The following DACH2 variants were observed in gnomAD, a reference collection of about 807,000 sequenced individuals.
The protein encoded by DACH2 is dachshund family transcription factor 2.
DACH2 carries 17 observed loss-of-function variants against 35.8 expected under a neutral mutation model. That is an observed-to-expected ratio of 0.48 (90% CI 0.33 to 0.71). The LOEUF (loss-of-function observed/expected upper bound fraction) is 0.71, where lower values mean the gene tolerates loss of function less well. Among genes scored for constraint, DACH2 ranks in the 30% least tolerant of loss-of-function variants. DACH2 has a pLI of 0.02. For missense variants in DACH2, 469 were observed against 472.7 expected (o/e 0.99, Z 0.07); for synonymous variants, 195 against 177.3 (o/e 1.10, Z -0.79).
At chrX:86,605,552 A>G (rs764185903) in intron 3 of DACH2, among the ~76,000 whole-genome samples, 1 of 110,989 alleles carries the variant, frequency 9.0e-6, no homozygotes, top group Non-Finnish European at 1.9e-5. Flanking sequence ...GTTTTCTTCA[A>G]TAATTTGTTT....
chrX:86,578,038 A>T (rs2039456759), intron 3 of DACH2, among the ~76,000 whole-genome samples: 1 of 111,900 alleles, frequency 8.9e-6, no homozygotes, highest in Non-Finnish European at 1.9e-5. Context: ...AATTAATCAA[A>T]CCACAAATGG....
chrX:86,189,284 T>A (rs1477078296), intron 1 of DACH2, among the ~76,000 whole-genome samples: 3 of 111,777 alleles, frequency 2.7e-5, no homozygotes, highest in African/African-American at 6.5e-5. Context: ...ATATCTTGAG[T>A]GCAGTAGGCC....
chrX:86,498,805 T>A lies in DACH2; in HGVS notation c.528-15474T>A, dbSNP rs988293433. The stretch of plus-strand genomic sequence containing the variant: ...TCCCTTCAGAACTTGAATATTTATT[T>A]TTTGCCTGCCTGTTGAATAGCATTT... On this transcript the variant is annotated intron_variant, in intron 2 of 11. Transcript: ENST00000373125. 2.7e-5 allele frequency among the ~76,000 whole-genome samples: 3 copies of A among 112,258 alleles called. No individual in the cohort carries two copies. In the Admixed American group the frequency reaches 2.8e-4, roughly 11 times the overall value.
chrX:86,334,246 T>C (rs2035263110), intron 1 of DACH2, among the ~76,000 whole-genome samples: 1 of 112,036 alleles, frequency 8.9e-6, no homozygotes, highest in Non-Finnish European at 1.9e-5. Context: ...AGTAGAATAA[T>C]TTATAATCCA....
intron 1 of DACH2, among the ~76,000 whole-genome samples, chrX:86,222,881 G>T (rs888284452): frequency 1.8e-5 from 2 of 110,780 alleles, no homozygotes; most frequent in African/African-American, 6.6e-5. Flanking sequence ...CTCATATAAA[G>T]GGAGTACAAT....
chrX:86,424,454 G>A (rs939234413), intron 2 of DACH2, among the ~76,000 whole-genome samples: 1 of 110,702 alleles, frequency 9.0e-6, no homozygotes, highest in African/African-American at 3.3e-5. Context: ...TTGTAAATGA[G>A]ATTACTTTTT....
intron 2 of DACH2, among the ~76,000 whole-genome samples, chrX:86,420,299 A>AT (rs1316563626): frequency 1.8e-5 from 2 of 111,851 alleles, no homozygotes; most frequent in Non-Finnish European, 3.8e-5. Flanking sequence ...TGAAAAAGAT[A>AT]TTTTTCTTTT....
intron 1 of DACH2, among the ~76,000 whole-genome samples, chrX:86,322,420 A>G (rs2035031836): frequency 9.0e-6 from 1 of 110,626 alleles, no homozygotes; most frequent in Non-Finnish European, 1.9e-5. Context: ...TTTTAGTGTG[A>G]CCCAGGGTGG....
chrX:86,813,590 C>T (rs1007511276), intron 9 of DACH2, among the ~76,000 whole-genome samples: 2 of 106,053 alleles, frequency 1.9e-5, no homozygotes, highest in East Asian at 2.9e-4. Context: ...CCAGCCTGGG[C>T]GACAGAGCAA....
intron 2 of DACH2, among the ~76,000 whole-genome samples, chrX:86,437,981 G>C (rs897430627): frequency 1.8e-5 from 2 of 109,324 alleles, no homozygotes; most frequent in Admixed American, 9.8e-5. Context: ...TTGTCACCCA[G>C]GTACTAAGCC....
chrX:86,687,091 T>G (rs746447145), intron 4 of DACH2, among the ~76,000 whole-genome samples: 4 of 112,535 alleles, frequency 3.6e-5, no homozygotes, highest in Non-Finnish European at 5.6e-5. Flanking sequence ...TTAAGTCTAC[T>G]TTGAAGCATC....
chrX:86,554,468 G>A (rs1333706082), intron 3 of DACH2, among the ~76,000 whole-genome samples: 4 of 110,855 alleles, frequency 3.6e-5, no homozygotes, highest in Non-Finnish European at 5.7e-5. Context: ...TTTACACAGG[G>A]GCATATATAG....
chrX:86,511,472 A>T (rs1337413134), intron 2 of DACH2, among the ~76,000 whole-genome samples: 1 of 111,527 alleles, frequency 9.0e-6, no homozygotes, highest in Non-Finnish European at 1.9e-5. Flanking sequence ...TCACAACCAT[A>T]CTCACTAAAG....
chrX:86,230,524 T>C (rs1464255620), intron 1 of DACH2, among the ~76,000 whole-genome samples: 1 of 111,574 alleles, frequency 9.0e-6, no homozygotes, highest in Non-Finnish European at 1.9e-5. Flanking sequence ...GAGGGTTCCT[T>C]CTTTCTCTCT....
At position 86,477,770 on chromosome X, in the gene DACH2, G is replaced by T. The variant is rs1407912119; in HGVS notation, c.528-36509G>T. ...CCTTTATTTCTGTTTTGCTTTTAGT[G>T]AAAGTAATTTTCTCCGGTAGTATGA... On this transcript the variant is annotated intron_variant, in intron 2 of 11. Transcript: ENST00000373125. 2.7e-5 allele frequency among the ~76,000 whole-genome samples: 3 copies of T among 110,365 alleles called. No homozygotes were observed. In the Admixed American group the frequency reaches 2.9e-4, roughly 11 times the overall value.
intron 3 of DACH2, among the ~76,000 whole-genome samples, chrX:86,574,735 C>G (rs1251695909): frequency 1.8e-5 from 2 of 111,567 alleles, no homozygotes; most frequent in African/African-American, 3.3e-5. Flanking sequence ...GTTGGGAAAT[C>G]TATTTTAATA....
At chrX:86,606,254 G>GT (rs1277861076) in intron 3 of DACH2, among the ~76,000 whole-genome samples, 1 of 104,326 alleles carries the variant, frequency 9.6e-6, no homozygotes, top group Non-Finnish European at 2.0e-5. Flanking sequence ...TGCTTTTCTA[G>GT]TTTTTTATGA....
chrX:86,548,284 G>T (rs925402315), intron 3 of DACH2, among the ~76,000 whole-genome samples: 2 of 110,796 alleles, frequency 1.8e-5, no homozygotes, highest in Non-Finnish European at 3.8e-5. Flanking sequence ...GATCCATATT[G>T]CTGGGAGATA....
chrX:86,231,839 C>T (rs1020818496), intron 1 of DACH2, among the ~76,000 whole-genome samples: 3 of 111,955 alleles, frequency 2.7e-5, no homozygotes, highest in African/African-American at 6.5e-5. Context: ...GTCCTCTGGC[C>T]TCCCTCCTGA....
Sources: gnomAD v4.1 joint callset for allele counts (sites outside exome capture counted in the v4.1 genomes callset) on GRCh38, gnomAD v4.1.1 for gene constraint, MANE v1.5 for transcripts, NCBI Gene and HGNC (gene_info 2026-07-23, HGNC 2026-07-21) for gene names.